The following SLC15A5 variants were observed in gnomAD, a reference collection of about 807,000 sequenced individuals.
The protein encoded by SLC15A5 is solute carrier family 15 member 5.
A neutral mutation model predicts 56.1 loss-of-function variants in SLC15A5; 58 were observed. The observed-to-expected ratio is 1.03, with a 90% CI of 0.84 to 1.29. SLC15A5 has a LOEUF of 1.29. Among genes scored for constraint, SLC15A5 ranks in the 50% most tolerant of loss-of-function variants. The probability of loss-of-function intolerance (pLI) is 0.00; values close to 1 mark genes in which losing one functional copy is unlikely to be tolerated. For missense variants in SLC15A5, 681 were observed against 672.1 expected (o/e 1.01, Z -0.15); for synonymous variants, 264 against 250.5 (o/e 1.05, Z -0.51).
At chr12:16,218,535 A>G (rs1864153713) in intron 6 of SLC15A5, among the ~76,000 whole-genome samples, 1 of 152,194 alleles carries the variant, frequency 6.6e-6, no homozygotes, top group Non-Finnish European at 1.5e-5. Flanking sequence ...CACCTAGGCT[A>G]TATGGGTAGC....
chr12:16,243,216 T>C lies in SLC15A5; in HGVS notation c.975+1364A>G, dbSNP rs1245765132. Among the ~76,000 whole-genome samples, 7 of 121,638 alleles carry C rather than the reference T, an allele frequency of 5.8e-5. No individual in the cohort carries two copies. The highest frequency in any genetic ancestry group is 2.1e-4 in the East Asian group (1 of 4,776). The allele number at this position is 121,638 out of a possible 152,430, so 79.8% of individuals were successfully genotyped here. On this transcript the variant is annotated intron_variant, in intron 4 of 8. Transcript: ENST00000344941. This position sits in a 1 kb window ranked among gnomAD's most constrained non-coding sequence, Gnocchi z 4.4. ...TATATTTTTCTTTGCTTTTTCTCTT[T>C]TTTTTTTTTTTGAGATGGAGTTTCA...
At position 16,232,734 on chromosome 12, in the gene SLC15A5, G is replaced by A. The variant is rs116166390; in HGVS notation, c.1162+6947C>T. Among the ~76,000 whole-genome samples the A allele has an allele frequency of 1.7e-3, 254 of 152,154 alleles. 1 individual carries two copies. The highest frequency in any genetic ancestry group is 5.8e-3 in the African/African-American group (242 of 41,520). ...AGTTCAAGACCAGCCTGGGCAACAT[G>A]ACATAACCCCATCTCTACTAAAAAT... On this transcript the variant is annotated intron_variant, in intron 5 of 8. Transcript: ENST00000344941.
At chr12:16,222,637 G>T (rs528550449) in intron 6 of SLC15A5, among the ~76,000 whole-genome samples, 2 of 152,302 alleles carry the variant, frequency 1.3e-5, no homozygotes, top group South Asian at 2.1e-4. Flanking sequence ...TTAGACCTCA[G>T]TTAGGCCTGA....
At chr12:16,219,776 T>C (rs1324500550) in intron 6 of SLC15A5, among the ~76,000 whole-genome samples, 1 of 152,122 alleles carries the variant, frequency 6.6e-6, no homozygotes, top group Non-Finnish European at 1.5e-5. Flanking sequence ...GGCTCCGAGA[T>C]ATTTCTTTTA....
Position 16,189,743 on chromosome 12 carries a change from G to T in SLC15A5, c.1665C>A (p.His555Gln). 4 of 1,529,778 alleles carry T rather than the reference G, an allele frequency of 2.6e-6. No individual in the cohort carries two copies. The highest frequency in any genetic ancestry group is 2.5e-5 in the East Asian group (1 of 40,792). The allele number at this position is 1,529,778 out of a possible 1,614,324, so 94.8% of individuals were successfully genotyped here. ...GSNLEETLLL[H>Q]EKSLKFYGSI... ...TGCCATAAAATTTCAGAGATTTTTC[G>T]TGGAGGAGAAGTGTTTCTTCAAGAT... Residue 555 changes from histidine (H) to glutamine (Q), a missense_variant, in exon 9 of 9, where the codon CAC (histidine) becomes CAA (glutamine). Physicochemically the swap from His to Gln is conservative, Grantham distance 24 (BLOSUM62 0). Coordinates refer to ENST00000344941, the MANE Select transcript of SLC15A5 (RefSeq NM_001170798.1).
At chr12:16,260,295 A>G (rs1864630821) in intron 2 of SLC15A5, among the ~76,000 whole-genome samples, 1 of 152,148 alleles carries the variant, frequency 6.6e-6, no homozygotes, top group East Asian at 1.9e-4. Context: ...ACTGATAACA[A>G]AAAGAAAACC....
chr12:16,231,692 G>A (rs1034376806), intron 5 of SLC15A5, among the ~76,000 whole-genome samples: 2 of 152,190 alleles, frequency 1.3e-5, no homozygotes, highest in Non-Finnish European at 2.9e-5. Context: ...TAAGAGACTG[G>A]AGATTACTTT....
In SLC15A5 at chr12:16,235,212, A is replaced by G; in HGVS notation, c.1162+4469T>C. ...TTTCCCCTATTTGTGGCATGTTTTT[A>G]TACATAATATATACAAAACACGACA... On this transcript the variant is annotated intron_variant, in intron 5 of 8. Coordinates refer to ENST00000344941, the MANE Select transcript of SLC15A5 (RefSeq NM_001170798.1). This position sits in a 1 kb window ranked among gnomAD's most constrained non-coding sequence, Gnocchi z 4.1. Among the ~76,000 whole-genome samples, 1 of 150,396 alleles carries G rather than the reference A, an allele frequency of 6.6e-6. No individual in the cohort carries two copies. The highest frequency in any genetic ancestry group is 1.5e-5 in the Non-Finnish European group (1 of 67,678).
chr12:16,263,606 A>G (rs1864663952), intron 2 of SLC15A5, among the ~76,000 whole-genome samples: 1 of 152,202 alleles, frequency 6.6e-6, no homozygotes, highest in Non-Finnish European at 1.5e-5. Flanking sequence ...AGGGCATGTC[A>G]GAGGTCTTCA....
chr12:16,256,069 A>G (rs1282893663), intron 3 of SLC15A5, among the ~76,000 whole-genome samples: 1 of 152,226 alleles, frequency 6.6e-6, no homozygotes, highest in Non-Finnish European at 1.5e-5. Flanking sequence ...AATGCTTAAG[A>G]GCATAAATTC....
intron 3 of SLC15A5, among the ~76,000 whole-genome samples, chr12:16,245,155 T>C (rs992417378): frequency 2.6e-5 from 4 of 152,240 alleles, no homozygotes; most frequent in Non-Finnish European, 5.9e-5. Flanking sequence ...GAACTTTCTT[T>C]AACATCCTTA....
intron 7 of SLC15A5, among the ~76,000 whole-genome samples, chr12:16,205,568 AAGGGAAAGG>A (rs1449435320): frequency 0.14 from 314 of 2,186 alleles, 9 homozygotes; most frequent in African/African-American, 0.26. Context: ...ATTCCATAAG[AAGGGAAAGG>A]TGCATATATA....
chr12:16,253,387 A>T (rs1170930186), intron 3 of SLC15A5, among the ~76,000 whole-genome samples: 1 of 152,116 alleles, frequency 6.6e-6, no homozygotes, highest in East Asian at 1.9e-4. Flanking sequence ...CATATGTCTG[A>T]TATGGGGCTA....
intron 2 of SLC15A5, among the ~76,000 whole-genome samples, chr12:16,265,712 A>G (rs1864688135): frequency 6.6e-6 from 1 of 152,094 alleles, no homozygotes; most frequent in Admixed American, 6.6e-5. Flanking sequence ...TGAACTCCTG[A>G]GCTCAAGCAA....
intron 8 of SLC15A5, among the ~76,000 whole-genome samples, chr12:16,192,334 A>G (rs1380082988): frequency 6.6e-6 from 1 of 152,076 alleles, no homozygotes; most frequent in Non-Finnish European, 1.5e-5. Flanking sequence ...TAGATAGGAG[A>G]TGGAGAAGAT....
chr12:16,191,052 C>G (rs1324352154), intron 8 of SLC15A5, among the ~76,000 whole-genome samples: 1 of 152,116 alleles, frequency 6.6e-6, no homozygotes, highest in Non-Finnish European at 1.5e-5. Flanking sequence ...TATTTACTTT[C>G]ATCTACCTAC....
At position 16,272,641 on chromosome 12, in the gene SLC15A5, G is replaced by A. The variant is rs372716828; in HGVS notation, c.504C>T (p.Gly168=). ...ALLTICLGIG[G]VRAIVCPLGA... ...CCAGTGGACAGACGATGGCTCTTAC[G>A]CCTCCAATGCCAAGGCAAATGGTCA... Residue 168 remains glycine, a synonymous_variant, in exon 2 of 9, where the codon GGC becomes GGT. Coordinates refer to ENST00000344941, the MANE Select transcript of SLC15A5 (RefSeq NM_001170798.1). 1.1e-4 allele frequency: 175 copies of A among 1,536,966 alleles called. 1 individual carries two copies. Among genetic ancestry groups the A allele is most frequent in the South Asian group, 4.2e-4 (35 of 84,054 alleles).
chr12:16,219,517 A>G (rs1864165447), intron 6 of SLC15A5, among the ~76,000 whole-genome samples: 1 of 152,212 alleles, frequency 6.6e-6, no homozygotes, highest in Non-Finnish European at 1.5e-5. Flanking sequence ...TTACTCTGCT[A>G]GTTAATTATT....
In SLC15A5 at chr12:16,263,524, C is replaced by T. The variant is rs564961055; in HGVS notation, c.585-5654G>A. ...CATTTTCTTAGGAGAAATTCAAGCC[C>T]GCTGCAGAAATTTGCATAAGTAACA... On this transcript the variant is annotated intron_variant, in intron 2 of 8. Coordinates refer to ENST00000344941, the MANE Select transcript of SLC15A5 (RefSeq NM_001170798.1). Among the ~76,000 whole-genome samples the T allele has an allele frequency of 1.4e-3, 215 of 152,122 alleles. 1 individual carries two copies. The highest frequency in any genetic ancestry group is 3.4e-3 in the African/African-American group (140 of 41,464).
Sources: gnomAD v4.1 joint callset for allele counts (sites outside exome capture counted in the v4.1 genomes callset) on GRCh38, gnomAD v4.1.1 for gene constraint, Gnocchi (gnomAD v3.1) non-coding constraint, MANE v1.5 for transcripts, NCBI Gene and HGNC (gene_info 2026-07-23, HGNC 2026-07-21) for gene names.